The following ST6GALNAC3 variants were observed in gnomAD, a reference collection of about 807,000 sequenced individuals.
ST6GALNAC3 encodes the protein alpha-N-acetylgalactosaminide alpha-2,6-sialyltransferase 3.
A neutral mutation model predicts 32.7 loss-of-function variants in ST6GALNAC3; 25 were observed. That is an observed-to-expected ratio of 0.76 (90% CI 0.56 to 1.07). The LOEUF is 1.07. Ranked by LOEUF, ST6GALNAC3 falls within the 50% of genes least tolerant of loss-of-function variation. The pLI, the probability that ST6GALNAC3 is intolerant of heterozygous loss-of-function variation, is 0.00. For synonymous variants in ST6GALNAC3, 129 were observed against 133.1 expected, an observed-to-expected ratio of 0.97 and a Z score of 0.21; for missense variants, 355 against 382.4, an observed-to-expected ratio of 0.93 and a Z score of 0.60.
At chr1:76,523,318 C>T (rs1232540424) in intron 3 of ST6GALNAC3, among the ~76,000 whole-genome samples, 1 of 152,094 alleles carries the variant, frequency 6.6e-6, no homozygotes, top group African/African-American at 2.4e-5. Context: ...TTAATATCTA[C>T]ATCATGTGTG....
intron 1 of ST6GALNAC3, among the ~76,000 whole-genome samples, chr1:76,144,454 G>C (rs945050329): frequency 1.5e-4 from 23 of 152,266 alleles, no homozygotes; most frequent in Middle Eastern, 3.4e-3. Flanking sequence ...ACAAATATTG[G>C]AGTGTGTTGG....
chr1:76,316,452 TGAA>T (rs1222295715), intron 2 of ST6GALNAC3, among the ~76,000 whole-genome samples: 1 of 152,080 alleles, frequency 6.6e-6, no homozygotes, highest in East Asian at 1.9e-4. Flanking sequence ...GCAATGGCGA[TGAA>T]GAAACTGCAA....
intron 1 of ST6GALNAC3, among the ~76,000 whole-genome samples, chr1:76,307,632 T>C (rs1661139823): frequency 6.6e-6 from 1 of 152,162 alleles, no homozygotes; most frequent in Admixed American, 6.6e-5. Flanking sequence ...AGTGAATACT[T>C]GGTCATTAAA....
intron 3 of ST6GALNAC3, among the ~76,000 whole-genome samples, chr1:76,493,816 T>C (rs1660644617): frequency 6.6e-6 from 1 of 152,148 alleles, no homozygotes; most frequent in Admixed American, 6.6e-5. Context: ...GCCATTCAGA[T>C]CTTTTTCAAA....
At chr1:76,139,728 C>G (rs1650199172) in intron 1 of ST6GALNAC3, among the ~76,000 whole-genome samples, 1 of 152,164 alleles carries the variant, frequency 6.6e-6, no homozygotes, top group African/African-American at 2.4e-5. Context: ...AGCTAAGAGT[C>G]CAGGGCCTGG....
chr1:76,290,530 G>A (rs1274543745), intron 1 of ST6GALNAC3, among the ~76,000 whole-genome samples: 1 of 152,166 alleles, frequency 6.6e-6, no homozygotes, highest in Admixed American at 6.5e-5. Flanking sequence ...CTTTGGGTAT[G>A]TGGGTACGTG....
At chr1:76,277,144 A>C (rs141863441) in intron 1 of ST6GALNAC3, among the ~76,000 whole-genome samples, 14 of 152,244 alleles carry the variant, frequency 9.2e-5, no homozygotes, top group African/African-American at 3.4e-4. Flanking sequence ...TAATAAACTA[A>C]AAAAATAAGG....
chr1:76,594,008 G>A (rs1050340683), intron 3 of ST6GALNAC3, among the ~76,000 whole-genome samples: 7 of 152,080 alleles, frequency 4.6e-5, no homozygotes, highest in African/African-American at 1.7e-4. Context: ...GTGGAAGGGG[G>A]CCCTTGTGCT....
At chr1:76,542,815 T>C (rs953476281) in intron 3 of ST6GALNAC3, among the ~76,000 whole-genome samples, 4 of 152,204 alleles carry the variant, frequency 2.6e-5, no homozygotes, top group South Asian at 4.1e-4. Flanking sequence ...TGGTCCTCAA[T>C]GTTAATGAAG....
chr1:76,084,868 A>G (rs1049316800), intron 1 of ST6GALNAC3, among the ~76,000 whole-genome samples: 1 of 152,174 alleles, frequency 6.6e-6, no homozygotes, highest in Non-Finnish European at 1.5e-5. Flanking sequence ...GGCTTTCTGC[A>G]TGTCAGGCAG....
intron 3 of ST6GALNAC3, among the ~76,000 whole-genome samples, chr1:76,585,653 G>A (rs1391429317): frequency 1.3e-5 from 2 of 152,140 alleles, no homozygotes; most frequent in Non-Finnish European, 2.9e-5. Flanking sequence ...GTATCTTCAT[G>A]TGGCAGAAAG....
At chr1:76,384,907 A>G (rs1651975406) in intron 2 of ST6GALNAC3, among the ~76,000 whole-genome samples, 2 of 152,172 alleles carry the variant, frequency 1.3e-5, no homozygotes, top group Non-Finnish European at 2.9e-5. Context: ...GATACATCAT[A>G]TATTCATATA....
intron 2 of ST6GALNAC3, among the ~76,000 whole-genome samples, chr1:76,375,049 A>C (rs1651114579): frequency 6.6e-6 from 1 of 152,192 alleles, no homozygotes; most frequent in Admixed American, 6.5e-5. Context: ...AAAAACTTGC[A>C]AATTTCAAGA....
At chr1:76,091,908 A>G (rs1647051908) in intron 1 of ST6GALNAC3, among the ~76,000 whole-genome samples, 1 of 152,188 alleles carries the variant, frequency 6.6e-6, no homozygotes, top group South Asian at 2.1e-4. Flanking sequence ...GACTGTATGT[A>G]TATGTCAGTT....
intron 1 of ST6GALNAC3, among the ~76,000 whole-genome samples, chr1:76,100,107 A>G (rs1027895815): frequency 1.3e-5 from 2 of 152,146 alleles, no homozygotes; most frequent in Non-Finnish European, 2.9e-5. Flanking sequence ...AATTATATCC[A>G]GCAATCTTGC....
chr1:76,436,650 G>A lies in ST6GALNAC3; in HGVS notation c.623+24233G>A, dbSNP rs150823778. On this transcript the variant is annotated intron_variant, in intron 3 of 4. Coordinates refer to ENST00000328299, the MANE Select transcript of ST6GALNAC3 (RefSeq NM_152996.4). ...AATCCTTAGTTTTGTACCAGGTACCGTGCCAATTATTTTTCTTACATTATA... is the reference window on the plus strand; with the variant it reads ...AATCCTTAGTTTTGTACCAGGTACCATGCCAATTATTTTTCTTACATTATA... Among the ~76,000 whole-genome samples, 51 of 152,172 alleles carry A rather than the reference G, an allele frequency of 3.4e-4. 2 individuals carry two copies. The East Asian group carries it at 7.4e-3, about 22-fold the overall frequency.
chr1:76,078,944 C>T (rs934901710), intron 1 of ST6GALNAC3, among the ~76,000 whole-genome samples: 2 of 152,090 alleles, frequency 1.3e-5, no homozygotes, highest in African/African-American at 4.8e-5. Context: ...CTATGCCTGG[C>T]TAATTTTTTG....
intron 3 of ST6GALNAC3, among the ~76,000 whole-genome samples, chr1:76,450,308 T>A (rs1657298817): frequency 6.6e-6 from 1 of 152,162 alleles, no homozygotes; most frequent in South Asian, 2.1e-4. Flanking sequence ...CAATGTGGTT[T>A]TGATTTGTAT....
At chr1:76,483,801 C>G (rs1027389641) in intron 3 of ST6GALNAC3, among the ~76,000 whole-genome samples, 4 of 152,210 alleles carry the variant, frequency 2.6e-5, no homozygotes, top group Non-Finnish European at 4.4e-5. Context: ...TTGCCCATGC[C>G]TATGGCCTGA....
Sources: allele counts gnomAD v4.1 joint callset (sites outside exome capture counted in the v4.1 genomes callset), GRCh38; gene constraint gnomAD v4.1.1; transcripts MANE v1.5; gene names NCBI Gene and HGNC (gene_info 2026-07-23, HGNC 2026-07-21).